DLGAP2: variants seen among roughly 807,000 people sequenced by gnomAD.
DLGAP2 encodes DLG associated protein 2.
A neutral mutation model predicts 100.3 loss-of-function variants in DLGAP2; 26 were observed. The observed-to-expected ratio is 0.26, with a 90% CI of 0.19 to 0.36. The LOEUF is 0.36. Among genes scored for constraint, DLGAP2 ranks in the 10% least tolerant of loss-of-function variants. The probability of loss-of-function intolerance (pLI) is 1.00; values close to 1 mark genes in which losing one functional copy is unlikely to be tolerated. For missense variants in DLGAP2, 1,858 were observed against 1,453.2 expected, an observed-to-expected ratio of 1.28 and a Z score of -4.53; for synonymous variants, 886 against 630.1, an observed-to-expected ratio of 1.41 and a Z score of -6.08.
intron 3 of DLGAP2, among the ~76,000 whole-genome samples, chr8:1,334,945 G>C (rs1395784837): frequency 6.6e-6 from 1 of 152,158 alleles, no homozygotes; most frequent in South Asian, 2.1e-4. Flanking sequence ...TCTCCCATCA[G>C]GCAGTATCCC....
chr8:1,513,958 A>G (rs2130383278), intron 4 of DLGAP2, among the ~76,000 whole-genome samples: 1 of 152,274 alleles, frequency 6.6e-6, no homozygotes, highest in East Asian at 1.9e-4. Flanking sequence ...TGTGATTGAG[A>G]TGTTGAACTG....
chr8:1,512,371 T>C (rs556328958), intron 4 of DLGAP2, among the ~76,000 whole-genome samples: 6 of 152,314 alleles, frequency 3.9e-5, no homozygotes, highest in African/African-American at 1.4e-4. Context: ...CGCCAGCTAG[T>C]GATCACGGTT....
intron 2 of DLGAP2, among the ~76,000 whole-genome samples, chr8:1,202,610 G>T (rs1258135105): frequency 6.6e-6 from 1 of 152,162 alleles, no homozygotes; most frequent in Non-Finnish European, 1.5e-5. Context: ...CCGTAACACG[G>T]GACAGTCACA....
intron 6 of DLGAP2, among the ~76,000 whole-genome samples, chr8:1,586,277 C>T (rs924699955): frequency 4.6e-5 from 7 of 152,192 alleles, no homozygotes; most frequent in Admixed American, 1.3e-4. Flanking sequence ...GTTACAGTTG[C>T]GGGACCGAAG....
chr8:918,999 G>T (rs953486639), intron 2 of DLGAP2, among the ~76,000 whole-genome samples: 40 of 152,120 alleles, frequency 2.6e-4, no homozygotes, highest in Non-Finnish European at 5.0e-4. Flanking sequence ...GGAGTGCAGT[G>T]GTGCGATCAG....
intron 3 of DLGAP2, among the ~76,000 whole-genome samples, chr8:1,464,637 G>T (rs1180478181): frequency 1.3e-5 from 2 of 151,850 alleles, no homozygotes; most frequent in Non-Finnish European, 2.9e-5. Context: ...TCCAATGACT[G>T]AAGGCAGATA....
At chr8:1,300,293 C>G (rs1453676760) in intron 3 of DLGAP2, 1 of 152,198 alleles carries the variant, frequency 6.6e-6, no homozygotes, top group Non-Finnish European at 1.5e-5. Flanking sequence ...GGGCTGGCCC[C>G]TGGAGTGGGT....
intron 3 of DLGAP2, among the ~76,000 whole-genome samples, chr8:1,310,760 C>G (rs1372332304): frequency 1.3e-5 from 2 of 152,088 alleles, no homozygotes; most frequent in African/African-American, 4.8e-5. Flanking sequence ...TGGGTTCAGG[C>G]AATTCTCCTG....
At chr8:1,254,810 C>T (rs1003609244) in intron 2 of DLGAP2, among the ~76,000 whole-genome samples, 5 of 152,110 alleles carry the variant, frequency 3.3e-5, no homozygotes, top group African/African-American at 9.7e-5. Flanking sequence ...CAGTTCACTG[C>T]GCTCCCACAA....
At chr8:1,058,071 C>T (rs1468322495) in intron 2 of DLGAP2, among the ~76,000 whole-genome samples, 2 of 152,170 alleles carry the variant, frequency 1.3e-5, no homozygotes, top group African/African-American at 2.4e-5. Context: ...AGATATTACC[C>T]TGCTCTGCCA....
intron 3 of DLGAP2, among the ~76,000 whole-genome samples, chr8:1,271,273 G>C (rs1415596888): frequency 6.6e-6 from 1 of 152,198 alleles, no homozygotes; most frequent in Non-Finnish European, 1.5e-5. Context: ...CCTCCAGCCA[G>C]CGGTGTGACT....
intron 4 of DLGAP2, among the ~76,000 whole-genome samples, chr8:1,507,689 C>T (rs1356720692): frequency 1.3e-5 from 2 of 151,058 alleles, no homozygotes; most frequent in Non-Finnish European, 1.5e-5. Context: ...TGCTGAGCTT[C>T]TGTCTAGAAA....
chr8:1,437,482 C>T (rs548912979), intron 3 of DLGAP2, among the ~76,000 whole-genome samples: 1 of 152,256 alleles, frequency 6.6e-6, no homozygotes, highest in African/African-American at 2.4e-5. Flanking sequence ...CGCTATTTTA[C>T]CAAATTTCTG....
chr8:1,414,666 C>T (rs1331439199), intron 3 of DLGAP2, among the ~76,000 whole-genome samples: 1 of 145,380 alleles, frequency 6.9e-6, no homozygotes, highest in Non-Finnish European at 1.5e-5. Flanking sequence ...CAGGCGTCCT[C>T]TGCCCTCAGC....
intron 6 of DLGAP2, among the ~76,000 whole-genome samples, chr8:1,580,195 G>A (rs1197404136): frequency 2.6e-5 from 4 of 152,158 alleles, no homozygotes; most frequent in South Asian, 2.1e-4. Context: ...CAAACTCTCA[G>A]AGAAAACGTG....
At chr8:999,082 T>A (rs1324865608) in intron 2 of DLGAP2, among the ~76,000 whole-genome samples, 1 of 152,192 alleles carries the variant, frequency 6.6e-6, no homozygotes, top group Non-Finnish European at 1.5e-5. Context: ...TTGATCATGT[T>A]CTTAAAAATA....
chr8:1,301,364 A>C (rs1203059363), intron 3 of DLGAP2: 1 of 152,208 alleles, frequency 6.6e-6, no homozygotes, highest in Non-Finnish European at 1.5e-5. Context: ...GGAGGCATGG[A>C]AAAGCTCATC....
chr8:1,136,570 A>G (rs1329880836), intron 2 of DLGAP2, among the ~76,000 whole-genome samples: 1 of 152,212 alleles, frequency 6.6e-6, no homozygotes, highest in Non-Finnish European at 1.5e-5. Context: ...TGTGTAGACA[A>G]CATAGGGCAC....
At chr8:1,072,482 G>T (rs535295812) in intron 2 of DLGAP2, among the ~76,000 whole-genome samples, 1 of 152,134 alleles carries the variant, frequency 6.6e-6, no homozygotes, top group African/African-American at 2.4e-5. Context: ...CCTCATTCAC[G>T]TTATCTTGGA....
Sources: gnomAD v4.1 joint callset for allele counts (sites outside exome capture counted in the v4.1 genomes callset) on GRCh38, gnomAD v4.1.1 for gene constraint, MANE v1.5 for transcripts, NCBI Gene and HGNC (gene_info 2026-07-23, HGNC 2026-07-21) for gene names.